Variants in ALLC observed in about 807,000 individuals in gnomAD.
ALLC encodes probable inactive allantoicase.
In ALLC, 40 loss-of-function variants were observed where a neutral mutation model predicts 45.0. The ratio of observed to expected loss-of-function variants is 0.89; its 90% CI spans 0.69 to 1.16. ALLC has a LOEUF of 1.16. Ranked by LOEUF, ALLC falls within the 50% of genes most tolerant of loss-of-function variation. ALLC has a pLI of 0.00. For synonymous variants in ALLC, 176 were observed against 178.1 expected (o/e 0.99, Z 0.09); for missense variants, 488 against 493.1 (o/e 0.99, Z 0.10).
chr2:3,701,321 C>A (rs574525447), intron 10 of ALLC, among the ~76,000 whole-genome samples, 191 bp from the exon 11 acceptor site: 1 of 152,288 alleles, frequency 6.6e-6, no homozygotes, highest in Admixed American at 6.5e-5. Context: ...ATGTCTATTT[C>A]ATGAGACAAT....
chr2:3,649,435 G>C, the ALLC span, among the ~76,000 whole-genome samples: 4 of 152,098 alleles, frequency 2.6e-5, no homozygotes, highest in Admixed American at 2.6e-4. Flanking sequence ...TAGAGACGGG[G>C]TTTCACCGTG....
intron 1 of ALLC, among the ~76,000 whole-genome samples, chr2:3,666,023 C>T (rs940996836): frequency 6.6e-6 from 1 of 152,130 alleles, no homozygotes; most frequent in African/African-American, 2.4e-5. Context: ...ATGGAATGCT[C>T]TGTGTAGGTT....
rs1666622553 is a variant in ALLC, at chr2:3,663,352, A to G, written c.-63+5058A>G. 3.3e-5 allele frequency among the ~76,000 whole-genome samples: 5 copies of G among 152,208 alleles called. No homozygotes were observed. The South Asian group carries it at 8.3e-4, about 25-fold the overall frequency. ...AACCAAACACTGCATGTTCTCGCTT[A>G]TAAGTGGGAGCTGAACAGGGAGAAC... On this transcript the variant is annotated intron_variant, in intron 1 of 11. Transcript: ENST00000252505.
intron 1 of ALLC, among the ~76,000 whole-genome samples, chr2:3,666,836 C>T (rs1666739305): frequency 6.6e-6 from 1 of 152,170 alleles, no homozygotes; most frequent in Non-Finnish European, 1.5e-5. Context: ...GGAGCTCTTC[C>T]AGCACAGTCC....
At chr2:3,658,482 AC>A (rs1666493872) in intron 1 of ALLC, among the ~76,000 whole-genome samples, 188 bp downstream of exon 1, 2 of 152,138 alleles carry the variant, frequency 1.3e-5, no homozygotes, top group African/African-American at 4.8e-5. Flanking sequence ...TGGCCCAAAC[AC>A]CTGGAGGGGC....
rs116654922 is a variant in ALLC at position 3,677,847 on chromosome 2, C to A, written c.85-621C>A. On this transcript the variant is annotated intron_variant, in intron 3 of 11. Coordinates refer to ENST00000252505, the MANE Select transcript of ALLC (RefSeq NM_018436.4). ...GTATCCCCATGCTGGGCCAGCATAACGATTTCTGAGCATCCACGCTATTTG... is the reference window on the plus strand; with the variant it reads ...GTATCCCCATGCTGGGCCAGCATAAAGATTTCTGAGCATCCACGCTATTTG... Among the ~76,000 whole-genome samples the A allele has an allele frequency of 1.7e-3, 261 of 152,330 alleles. 1 individual carries two copies. The highest frequency in any genetic ancestry group is 2.8e-3 in the Non-Finnish European group (189 of 68,030).
At chr2:3,702,168 G>T (rs1378757376) in intron 11 of ALLC, among the ~76,000 whole-genome samples, 195 bp from the exon 12 acceptor site, 1 of 152,146 alleles carries the variant, frequency 6.6e-6, no homozygotes, top group Non-Finnish European at 1.5e-5. Context: ...ATTGGGGCCT[G>T]CTTATTCATG....
Position 3,680,724 on chromosome 2 carries a change from C to T in ALLC, c.298+730C>T, listed in dbSNP as rs1667155185. On this transcript the variant is annotated intron_variant, in intron 5 of 11. Coordinates refer to ENST00000252505, the MANE Select transcript of ALLC (RefSeq NM_018436.4). This position sits in a 1 kb window ranked among gnomAD's most constrained non-coding sequence, Gnocchi z 4.0. ...CTGTAGGGAAAGGGTCTGCGTGCTC[C>T]AGCGGGACAACTGAAGGCAGCCTCC... is the stretch of plus-strand genomic sequence containing the variant. Among the ~76,000 whole-genome samples, 1 of 151,900 alleles carries T rather than the reference C, an allele frequency of 6.6e-6. No homozygotes were observed. Among genetic ancestry groups the T allele is most frequent in the South Asian group, 2.1e-4 (1 of 4,822 alleles).
intron 10 of ALLC, among the ~76,000 whole-genome samples, chr2:3,698,838 T>A (rs1179670993): frequency 1.3e-5 from 2 of 152,244 alleles, no homozygotes; most frequent in Non-Finnish European, 2.9e-5. Context: ...TATATACATG[T>A]GCCATGTTGG....
In ALLC at chr2:3,668,103, C is replaced by G. The variant is rs540535075; in HGVS notation, c.-62-2993C>G. ...ACAGAGAAGCAGTGACATGTATGCT[C>G]ATATTATTTGGGAACAAAGATGGGC... On this transcript the variant is annotated intron_variant, in intron 1 of 11. Transcript: ENST00000252505. Among the ~76,000 whole-genome samples, 3 of 152,222 alleles carry G rather than the reference C, an allele frequency of 2.0e-5. No individual in the cohort carries two copies. In the South Asian group the frequency reaches 6.2e-4, roughly 32 times the overall value.
At chr2:3,658,816 G>C (rs995937889) in intron 1 of ALLC, among the ~76,000 whole-genome samples, 1 of 146,900 alleles carries the variant, frequency 6.8e-6, no homozygotes, top group Non-Finnish European at 1.5e-5. Context: ...GGTGGAGGTT[G>C]CAATGAGCCA....
intron 7 of ALLC, among the ~76,000 whole-genome samples, chr2:3,687,511 G>C (rs927213314): frequency 1.3e-5 from 2 of 150,974 alleles, no homozygotes; most frequent in African/African-American, 4.8e-5. Flanking sequence ...AGTAAAATTG[G>C]TATTAGTTAT....
At chr2:3,657,196 C>T (rs946437227), upstream of ALLC, among the ~76,000 whole-genome samples, 1 of 151,612 alleles carries the variant, frequency 6.6e-6, no homozygotes, top group Admixed American at 6.5e-5. Flanking sequence ...TGGACGCATC[C>T]TAACTACGGC....
chr2:3,647,718 C>T, the ALLC span, among the ~76,000 whole-genome samples: 1 of 152,044 alleles, frequency 6.6e-6, no homozygotes, highest in East Asian at 1.9e-4. Flanking sequence ...CCTGATGCCC[C>T]TGGGGGTAAC....
chr2:3,648,512 G>A, the ALLC span, among the ~76,000 whole-genome samples: 15 of 152,190 alleles, frequency 9.9e-5, no homozygotes, highest in South Asian at 2.1e-4. Flanking sequence ...CACCAGTCCT[G>A]GAGGTGCTGC....
At chr2:3,679,771 C>T (rs1015935109) in intron 4 of ALLC, 98 bp from the exon 5 acceptor site, 7 of 1,536,036 alleles carry the variant, frequency 4.6e-6, no homozygotes, top group Non-Finnish European at 5.4e-6. Context: ...CGGAATGGCC[C>T]CTGCTGTGGG....
chr2:3,662,867 AGTGGCG>A (rs1331333626), intron 1 of ALLC, among the ~76,000 whole-genome samples: 2 of 152,224 alleles, frequency 1.3e-5, no homozygotes, highest in Non-Finnish European at 2.9e-5. Context: ...TTTGTGTTGC[AGTGGCG>A]AGGGGATATA....
rs1362067988 is a variant in ALLC, at chr2:3,694,356, TG to T, written c.512-1360del. ...ATGAGGATTCCACCTGGGATCCAGGTGTAAAGGGAAAGGAAGCTGGGGAAAC... is the reference window on the plus strand; with the variant it reads ...ATGAGGATTCCACCTGGGATCCAGGTTAAAGGGAAAGGAAGCTGGGGAAAC... On this transcript the variant is annotated intron_variant, in intron 7 of 11. Coordinates refer to ENST00000252505, the MANE Select transcript of ALLC (RefSeq NM_018436.4). 2.6e-5 allele frequency among the ~76,000 whole-genome samples: 4 copies of T among 151,996 alleles called. No individual in the cohort carries two copies. In the East Asian group the frequency reaches 5.8e-4, roughly 22 times the overall value.
chr2:3,651,301 TGGGTGGGTGGGTGGGG>T, the ALLC span, among the ~76,000 whole-genome samples: 149 of 7,768 alleles, frequency 0.019, 22 homozygotes, highest in East Asian at 0.11. Flanking sequence ...TCTTTTTGGG[TGGGTGGGTGGGTGGGG>T]GGGGTGTGTG....
Sources: allele counts gnomAD v4.1 joint callset (sites outside exome capture counted in the v4.1 genomes callset), GRCh38; gene constraint gnomAD v4.1.1; non-coding constraint Gnocchi (gnomAD v3.1); transcripts MANE v1.5; gene names NCBI Gene and HGNC (gene_info 2026-07-23, HGNC 2026-07-21).